GOLGA6L9: variants seen among roughly 807,000 people sequenced by gnomAD.
GOLGA6L9 encodes golgin A6 family like 9.
In GOLGA6L9, 19 loss-of-function variants were observed where a neutral mutation model predicts 51.3. The ratio of observed to expected loss-of-function variants is 0.37; its 90% CI spans 0.26 to 0.54. The LOEUF (loss-of-function observed/expected upper bound fraction) is 0.54, where lower values mean the gene tolerates loss of function less well. Ranked by LOEUF, GOLGA6L9 falls within the 20% of genes least tolerant of loss-of-function variation. GOLGA6L9 has a pLI of 0.83. For missense variants in GOLGA6L9, 247 were observed against 464.1 expected, an observed-to-expected ratio of 0.53 and a Z score of 4.30; for synonymous variants, 97 against 184.2, an observed-to-expected ratio of 0.53 and a Z score of 3.83.
In GOLGA6L9 at chr15:82,434,229, A is replaced by C; in HGVS notation, c.629A>C (p.Glu210Ala). ...RLREQEERLR[E>A]QEERLCEQEE... The stretch of plus-strand genomic sequence containing the variant: ...CGTGAACAGGAGGAGAGGCTACGTG[A>C]ACAGGAGGAGAGGCTGTGTGAACAG... Residue 210 changes from glutamate to alanine, a missense_variant, in exon 6 of 9, where the codon GAA (glutamate) becomes GCA (alanine). This residue lies in a region of GOLGA6L9 where 66 missense variants were observed against 66.2 expected (regional missense o/e 1.00). Transcript: ENST00000618348. 6.5e-7 allele frequency: 1 copy of C among 1,550,024 alleles called. No homozygotes were observed. Among genetic ancestry groups the C allele is most frequent in the East Asian group, 2.4e-5 (1 of 42,536 alleles).
At position 82,438,188 on chromosome 15, in the gene GOLGA6L9, G is replaced by A. The variant is rs1336364187; in HGVS notation, c.*1777G>A. On this transcript the variant is annotated 3_prime_UTR_variant, in exon 9 of 9. Transcript: ENST00000618348. ...CAAAGGTATTTTTATAGTTCAAATC[G>A]CTTCACTTTTACCCTGACACGTATA... 2.7e-5 allele frequency: 4 copies of A among 147,640 alleles called. No individual in the cohort carries two copies. Among genetic ancestry groups the A allele is most frequent in the Admixed American group, 1.3e-4 (2 of 14,844 alleles). The allele number at this position is 147,640 out of a possible 1,614,324, so 9.1% of individuals were successfully genotyped here. A position where few individuals can be genotyped will look rare whatever the true frequency, so the allele number is the denominator to read the frequency against.
At chr15:82,435,348 T>A in intron 7 of GOLGA6L9, 1 of 329,962 alleles carries the variant, frequency 3.0e-6, no homozygotes, top group Non-Finnish European at 5.8e-6. Context: ...TTAAAAATAA[T>A]AATAATAATT....
upstream of GOLGA6L9, among the ~76,000 whole-genome samples, chr15:82,425,135 A>AT (rs2031189357): frequency 6.6e-6 from 1 of 151,500 alleles, no homozygotes; most frequent in African/African-American, 2.4e-5. Context: ...TAATGAAATG[A>AT]TATTTGAGCA....
At chr15:82,433,838 T>C (rs2031525709) in intron 5 of GOLGA6L9, among the ~76,000 whole-genome samples, 189 bp downstream of exon 5, 1 of 92,280 alleles carries the variant, frequency 1.1e-5, no homozygotes. Flanking sequence ...GAGGGAGGAG[T>C]GCCCATTGTC....
rs1273011080 is a variant in GOLGA6L9, at chr15:82,434,294, CAGG to C, written c.700_702del (p.Glu234del). On this transcript the variant is annotated inframe_deletion, in exon 6 of 9. Coordinates refer to ENST00000618348, the MANE Select transcript of GOLGA6L9 (RefSeq NM_198181.4). The stretch of plus-strand genomic sequence containing the variant: ...TGAACAGGAGGAGAGGCTACGTGAA[CAGG>C]AGGAGAGGCTGTGTGAACAGGAGAA... The C allele has an allele frequency of 1.3e-6, 2 of 1,549,782 alleles. No individual in the cohort carries two copies. The highest frequency in any genetic ancestry group is 2.4e-5 in the East Asian group (1 of 42,460).
chr15:82,427,298 C>T (rs2031226581), upstream of GOLGA6L9, among the ~76,000 whole-genome samples: 1 of 127,002 alleles, frequency 7.9e-6, no homozygotes, highest in Admixed American at 7.6e-5. Flanking sequence ...CTTTTCCCTC[C>T]CTCCCTCCCT....
chr15:82,419,898 G>A, the GOLGA6L9 span: 1 of 225,576 alleles, frequency 4.4e-6, no homozygotes, highest in Non-Finnish European at 9.3e-6. Context: ...CTACTGTTAA[G>A]TTATATGCCA....
At position 82,436,433 on chromosome 15, in the gene GOLGA6L9, A is replaced by G; in HGVS notation, c.*22A>G. On this transcript the variant is annotated 3_prime_UTR_variant, in exon 9 of 9. Transcript: ENST00000618348. ...CTAAGAGCGGGTCAAGAAATTGAAA[A>G]AAAAAAACAAAACATTTAAGGGGTT... 6.5e-7 allele frequency: 1 copy of G among 1,528,142 alleles called. No individual in the cohort carries two copies. Among genetic ancestry groups the G allele is most frequent in the South Asian group, 1.2e-5 (1 of 86,642 alleles). 94.7% of individuals were successfully genotyped at this position (1,528,142 alleles called of 1,614,324 possible).
the GOLGA6L9 span, among the ~76,000 whole-genome samples, chr15:82,417,682 T>A: frequency 6.6e-6 from 1 of 152,232 alleles, no homozygotes; most frequent in Admixed American, 6.5e-5. Flanking sequence ...GGTGACAATG[T>A]CTGCCATATA....
chr15:82,435,389 C>G (rs1239146497), intron 7 of GOLGA6L9: 103 of 301,632 alleles, frequency 3.4e-4, no homozygotes, highest in African/African-American at 2.3e-3. Context: ...GCCTGTAATC[C>G]CAGCTACTCA....
At chr15:82,427,283 C>G (rs2031225909), upstream of GOLGA6L9, among the ~76,000 whole-genome samples, 1 of 138,518 alleles carries the variant, frequency 7.2e-6, no homozygotes, top group Non-Finnish European at 1.5e-5. Flanking sequence ...TTCTTACTTT[C>G]TTTTCTTTTC....
At chr15:82,432,519 T>G in intron 2 of GOLGA6L9, 53 bp from the exon 3 acceptor site, 4 of 1,588,196 alleles carry the variant, frequency 2.5e-6, no homozygotes, top group African/African-American at 2.7e-5. Flanking sequence ...GTCAGAGGGC[T>G]TAGACAGTGA....
At chr15:82,432,543 A>T (rs2031450731) in intron 2 of GOLGA6L9, 29 bp from the exon 3 acceptor site, 1 of 1,599,470 alleles carries the variant, frequency 6.3e-7, no homozygotes, top group Non-Finnish European at 8.5e-7. Flanking sequence ...GGGACAGAAC[A>T]TCTCCATGTG....
rs1354457081 is a variant in GOLGA6L9, at chr15:82,437,808, C to G, written c.*1397C>G. ...CGTAAAACGTTTACAAACTGCAGCA[C>G]AATCTACTGTTCGTGAATGTCAAAG... On this transcript the variant is annotated 3_prime_UTR_variant, in exon 9 of 9. Coordinates refer to ENST00000618348, the MANE Select transcript of GOLGA6L9 (RefSeq NM_198181.4). The G allele has an allele frequency of 1.3e-5, 2 of 151,148 alleles. No individual in the cohort carries two copies. Among genetic ancestry groups the G allele is most frequent in the Non-Finnish European group, 2.9e-5 (2 of 67,840 alleles). The allele number at this position is 151,148 out of a possible 1,614,324, so 9.4% of individuals were successfully genotyped here. A position where few individuals can be genotyped will look rare whatever the true frequency, so the allele number is the denominator to read the frequency against.
the GOLGA6L9 span, chr15:82,419,473 C>G: frequency 2.0e-5 from 3 of 152,410 alleles, no homozygotes; most frequent in Non-Finnish European, 4.4e-5. Flanking sequence ...ACGGTGAAAC[C>G]CCGTCTCTAC....
the GOLGA6L9 span, among the ~76,000 whole-genome samples, chr15:82,417,780 A>T: frequency 2.6e-5 from 4 of 152,216 alleles, no homozygotes; most frequent in Admixed American, 2.0e-4. Context: ...TAACTAAATG[A>T]CTAGACTTTG....
At chr15:82,417,614 G>A in the GOLGA6L9 span, among the ~76,000 whole-genome samples, 67 of 152,320 alleles carry the variant, frequency 4.4e-4, no homozygotes, top group African/African-American at 1.5e-3. Flanking sequence ...CTGAGACTCT[G>A]CAACCTTAAA....
At chr15:82,424,300 G>A in the GOLGA6L9 span, among the ~76,000 whole-genome samples, 1 of 151,916 alleles carries the variant, frequency 6.6e-6, no homozygotes, top group South Asian at 2.1e-4. Context: ...TCAAACTACT[G>A]ATCTGAGGTG....
intron 7 of GOLGA6L9, chr15:82,435,367 C>T (rs1161446587): frequency 3.0e-6 from 1 of 328,900 alleles, no homozygotes; most frequent in African/African-American, 2.2e-5. Context: ...TTAGCCAGGC[C>T]TGGTGGTGCA....
Sources: allele counts gnomAD v4.1 joint callset (sites outside exome capture counted in the v4.1 genomes callset), GRCh38; gene constraint gnomAD v4.1.1; regional missense constraint gnomAD v4.1.1; transcripts MANE v1.5; gene names NCBI Gene and HGNC (gene_info 2026-07-23, HGNC 2026-07-21).